Variants in CSMD2 observed in about 807,000 individuals in gnomAD.
CSMD2 encodes CUB and sushi domain-containing protein 2.
In CSMD2, 130 loss-of-function variants were observed where a neutral mutation model predicts 398.5. The ratio of observed to expected loss-of-function variants is 0.33; its 90% CI spans 0.28 to 0.38. The LOEUF is 0.38. Ranked by LOEUF, CSMD2 falls within the 10% of genes least tolerant of loss-of-function variation. The pLI, the probability that CSMD2 is intolerant of heterozygous loss-of-function variation, is 1.00. For synonymous variants in CSMD2, 1,828 were observed against 1,908.5 expected (o/e 0.96, Z 1.10); for missense variants, 3,829 against 4,764.9 (o/e 0.80, Z 5.78).
intron 6 of CSMD2, among the ~76,000 whole-genome samples, chr1:33,826,681 G>A (rs563709711): frequency 1.3e-5 from 2 of 152,292 alleles, no homozygotes; most frequent in African/African-American, 4.8e-5. Context: ...CACACAAAAG[G>A]TGCCAGAGCC....
intron 38 of CSMD2, 114 bp from the exon 39 acceptor site, chr1:33,617,089 C>A: frequency 1.4e-6 from 1 of 723,454 alleles, no homozygotes; most frequent in South Asian, 1.7e-5. Flanking sequence ...GAACAAGATA[C>A]ACAAAGACAC....
At chr1:33,569,283 T>C in intron 52 of CSMD2, 91 bp downstream of exon 52, 1 of 1,319,774 alleles carries the variant, frequency 7.6e-7, no homozygotes, top group Admixed American at 2.3e-5. Context: ...GGTGAAATGA[T>C]ACTGTTTAAA....
intron 25 of CSMD2, among the ~76,000 whole-genome samples, chr1:33,690,211 C>A (rs1293583862): frequency 1.3e-5 from 2 of 152,172 alleles, no homozygotes; most frequent in South Asian, 4.1e-4. Context: ...CCCACCAAAT[C>A]GCAGGTGATC....
chr1:33,838,441 T>C (rs551318238), intron 6 of CSMD2: 25 of 152,222 alleles, frequency 1.6e-4, no homozygotes, highest in African/African-American at 5.8e-4. Context: ...ACTTGAAAAA[T>C]TGTTGGGTAT....
At chr1:33,536,901 G>C in intron 62 of CSMD2, 121 bp downstream of exon 62, 2 of 923,582 alleles carry the variant, frequency 2.2e-6, no homozygotes, top group Admixed American at 2.2e-5. Flanking sequence ...TTCTTTCTGC[G>C]CTTTCCAAGC....
intron 6 of CSMD2, among the ~76,000 whole-genome samples, chr1:33,844,128 T>C (rs1260455688): frequency 6.6e-6 from 1 of 152,232 alleles, no homozygotes; most frequent in Non-Finnish European, 1.5e-5. Context: ...TCTGCCACTG[T>C]TTTAGGGTGT....
chr1:34,119,738 C>T (rs528685668), intron 1 of CSMD2, among the ~76,000 whole-genome samples: 5 of 152,152 alleles, frequency 3.3e-5, no homozygotes, highest in Non-Finnish European at 7.4e-5. Flanking sequence ...ACACCTGTTA[C>T]AATAGCCACC....
intron 39 of CSMD2, among the ~76,000 whole-genome samples, chr1:33,615,886 G>A (rs1416871036): frequency 6.6e-6 from 1 of 152,206 alleles, no homozygotes; most frequent in East Asian, 1.9e-4. Flanking sequence ...TCAGCCTTGA[G>A]GGGCACCTCA....
chr1:33,551,540 G>A (rs1196896486), intron 55 of CSMD2, among the ~76,000 whole-genome samples: 1 of 152,218 alleles, frequency 6.6e-6, no homozygotes, highest in South Asian at 2.1e-4. Context: ...TGACCAAGTG[G>A]TAAAACCTGG....
At chr1:33,941,069 T>C (rs185366791) in intron 3 of CSMD2, among the ~76,000 whole-genome samples, 1 of 152,148 alleles carries the variant, frequency 6.6e-6, no homozygotes, top group Non-Finnish European at 1.5e-5. Context: ...AAGCTTCCCT[T>C]TGATTGCTTA....
chr1:33,655,933 C>T (rs1643932447), intron 27 of CSMD2, among the ~76,000 whole-genome samples: 1 of 152,198 alleles, frequency 6.6e-6, no homozygotes, highest in African/African-American at 2.4e-5. Context: ...TCCTCCTTCT[C>T]CACTTGGGAC....
intron 5 of CSMD2, among the ~76,000 whole-genome samples, chr1:33,879,257 C>T (rs1236434227): frequency 6.6e-6 from 1 of 152,156 alleles, no homozygotes; most frequent in East Asian, 1.9e-4. Context: ...CTCCCCACCA[C>T]CTCCCACTAA....
intron 47 of CSMD2, 77 bp downstream of exon 47, chr1:33,583,565 C>T: frequency 7.0e-7 from 1 of 1,422,274 alleles, no homozygotes; most frequent in Non-Finnish European, 9.8e-7. Context: ...AGGAAAACTG[C>T]AGCACAGACT....
Position 33,810,836 on chromosome 1 carries a change from G to C in CSMD2, c.1353C>G (p.Gly451=). The change falls in exon 10 of 71, where the codon GGC becomes GGG. Residue 451 remains glycine (G), a synonymous_variant. Transcript: ENST00000373381. ...TGGGGGAGGTGATGATGCCCGAGGG[G>C]CCTCGAAGGTGGGCATCACACATGC... ...RARMCDAHLR[G]PSGIITSPNF... is the part of the protein sequence containing the mutation. 6.2e-7 allele frequency: 1 copy of C among 1,612,592 alleles called. No homozygotes were observed. The highest frequency in any genetic ancestry group is 8.5e-7 in the Non-Finnish European group (1 of 1,179,440).
upstream of CSMD2, chr1:34,165,802 T>C: frequency 6.2e-7 from 1 of 1,613,506 alleles, no homozygotes; most frequent in Non-Finnish European, 8.5e-7. Flanking sequence ...GGGCGATGCT[T>C]ATGAGCCTCA....
intron 7 of CSMD2, among the ~76,000 whole-genome samples, chr1:33,822,669 G>A (rs978776382): frequency 6.6e-6 from 1 of 152,146 alleles, no homozygotes; most frequent in Non-Finnish European, 1.5e-5. Context: ...TGCCATTCCC[G>A]AAGCAGAGGA....
intron 2 of CSMD2, among the ~76,000 whole-genome samples, chr1:34,065,293 T>C (rs72667725): frequency 0.2 from 30,403 of 152,072 alleles, 3,343 homozygotes; most frequent in Middle Eastern, 0.27. Flanking sequence ...ACTCTGCCTT[T>C]TTGCTCTCAA....
chr1:33,524,953 C>G lies in CSMD2; in HGVS notation c.10325G>C (p.Gly3442Ala), dbSNP rs757782719. 7 of 1,614,134 alleles carry G rather than the reference C, an allele frequency of 4.3e-6. No individual in the cohort carries two copies. Residue 3442 changes from glycine to alanine, a missense_variant, in exon 66 of 71, where the codon GGC (glycine) becomes GCC (alanine). Transcript: ENST00000373381. Reference protein sequence around the residue: ...KKQPAMLRVTGFQVANSKVNA... With the variant: ...KKQPAMLRVTAFQVANSKVNA... Reference sequence around the variant, plus strand: ...GACCTTGCTGTTGGCAACTTGGAAGCCAGTCACTCTGAGCATGGCTGGCTG... The same window carrying G: ...GACCTTGCTGTTGGCAACTTGGAAGGCAGTCACTCTGAGCATGGCTGGCTG...
Position 33,823,608 on chromosome 1 carries a change from G to C in CSMD2, c.1111+2089C>G, listed in dbSNP as rs181802722. Among the ~76,000 whole-genome samples, 1,073 of 152,214 alleles carry C rather than the reference G, an allele frequency of 7.0e-3. 6 individuals carry two copies. The highest frequency in any genetic ancestry group is 0.024 in the African/African-American group (1,007 of 41,544). ...GGAGTCACAGGTGGGTGGGTGGTCA[G>C]AACTGATGGCAAGGTAGAGAGTTGG... On this transcript the variant is annotated intron_variant, in intron 7 of 70. Transcript: ENST00000373381.
Sources: gnomAD v4.1 joint callset for allele counts (sites outside exome capture counted in the v4.1 genomes callset) on GRCh38, gnomAD v4.1.1 for gene constraint, MANE v1.5 for transcripts, NCBI Gene and HGNC (gene_info 2026-07-23, HGNC 2026-07-21) for gene names.